The following SLCO2A1 variants were observed in gnomAD, a reference collection of about 807,000 sequenced individuals.
SLCO2A1 encodes matrin F/G 1.
In SLCO2A1, 60 loss-of-function variants were observed where a neutral mutation model predicts 71.7. That is an observed-to-expected ratio of 0.84 (90% CI 0.68 to 1.04). The LOEUF is 1.04. Ranked by LOEUF, SLCO2A1 falls within the 50% of genes least tolerant of loss-of-function variation. The probability of loss-of-function intolerance (pLI) is 0.00; values close to 1 mark genes in which losing one functional copy is unlikely to be tolerated. For missense variants in SLCO2A1, 745 were observed against 813.4 expected (o/e 0.92, Z 1.02); for synonymous variants, 308 against 326.7 (o/e 0.94, Z 0.62).
At chr3:133,979,459 T>C (rs745888779) in intron 2 of SLCO2A1, 22 bp downstream of exon 2, 4 of 1,614,024 alleles carry the variant, frequency 2.5e-6, no homozygotes, top group Non-Finnish European at 8.5e-7. Flanking sequence ...TGGAGTCTGA[T>C]GGACCAGAAC....
intron 3 of SLCO2A1, among the ~76,000 whole-genome samples, chr3:133,964,874 C>T (rs895749881): frequency 2.3e-4 from 35 of 152,290 alleles, no homozygotes; most frequent in Admixed American, 2.0e-3. Context: ...CTTCCGCTGC[C>T]CACACCCCCA....
At chr3:133,960,604 T>C (rs1934012896) in intron 3 of SLCO2A1, among the ~76,000 whole-genome samples, 1 of 152,158 alleles carries the variant, frequency 6.6e-6, no homozygotes, top group Admixed American at 6.5e-5. Flanking sequence ...TTTGAGAAGA[T>C]GAAAAAGTTC....
Position 133,945,261 on chromosome 3 carries a change from C to A in SLCO2A1, c.1296-1G>T. On this transcript the variant is annotated splice_acceptor_variant, in intron 9 of 13. Transcript: ENST00000310926. LOFTEE classifies it high-confidence loss of function. ...CTGCGGATGTATAGAACTTGATGTG[C>A]TGCCAGCAAAAGAGGAAACGGGGAA... 6.3e-7 allele frequency: 1 copy of A among 1,599,664 alleles called. No individual in the cohort carries two copies. Among genetic ancestry groups the A allele is most frequent in the Non-Finnish European group, 8.5e-7 (1 of 1,175,190 alleles).
chr3:133,941,544 G>A (rs1933419496), intron 11 of SLCO2A1, among the ~76,000 whole-genome samples: 1 of 152,006 alleles, frequency 6.6e-6, no homozygotes, highest in Non-Finnish European at 1.5e-5. Context: ...GAGGACAGGA[G>A]GGAGGGCAGT....
At chr3:133,959,625 G>C (rs2108048154) in intron 3 of SLCO2A1, among the ~76,000 whole-genome samples, 1 of 152,212 alleles carries the variant, frequency 6.6e-6, no homozygotes, top group South Asian at 2.1e-4. Context: ...AGGAGTTCGA[G>C]ACCAGCCTGG....
intron 1 of SLCO2A1, among the ~76,000 whole-genome samples, chr3:133,985,145 A>G (rs1934684392): frequency 1.3e-5 from 2 of 152,336 alleles, no homozygotes; most frequent in African/African-American, 4.8e-5. Context: ...ATTTCCCACA[A>G]TGTGTTACCA....
Position 133,954,930 on chromosome 3 carries a change from C to T in SLCO2A1, c.625+36G>A, listed in dbSNP as rs1197495448. 5.1e-6 allele frequency: 8 copies of T among 1,563,512 alleles called. No individual in the cohort carries two copies. In the Admixed American group the frequency reaches 1.3e-4, roughly 26 times the overall value. On this transcript the variant is annotated intron_variant, in intron 4 of 13. Coordinates refer to ENST00000310926, the MANE Select transcript of SLCO2A1 (RefSeq NM_005630.3). ...CATCAAGTGCTACATCAGGACCTCA[C>T]CCCTCCCCAAAGCCCTCTTCAAGCC...
chr3:133,935,253 T>C (rs1933239432), intron 13 of SLCO2A1, among the ~76,000 whole-genome samples: 1 of 152,168 alleles, frequency 6.6e-6, no homozygotes. Context: ...CCCACCTTCC[T>C]GTGGTTTCTG....
chr3:133,962,640 G>T (rs1934066480), intron 3 of SLCO2A1, among the ~76,000 whole-genome samples: 1 of 152,180 alleles, frequency 6.6e-6, no homozygotes, highest in African/African-American at 2.4e-5. Context: ...TGGAGCAAAA[G>T]CTCCAGCCTT....
rs991439077 is a variant in SLCO2A1 at position 133,945,768 on chromosome 3, A to C, written c.1296-508T>G. 1.4e-4 allele frequency among the ~76,000 whole-genome samples: 22 copies of C among 152,070 alleles called. 1 individual carries two copies. The highest frequency in any genetic ancestry group is 2.7e-4 in the African/African-American group (11 of 41,478). On this transcript the variant is annotated intron_variant, in intron 9 of 13. Transcript: ENST00000310926. ...TTCACTGGTTGATCTCACTGTTCCC[A>C]CTGTTCCCCGGTATCTGATATTCAT...
chr3:134,004,150 C>T (rs1935157924), intron 1 of SLCO2A1, among the ~76,000 whole-genome samples: 1 of 151,500 alleles, frequency 6.6e-6, no homozygotes, highest in Non-Finnish European at 1.5e-5. Context: ...TCTACTGTCT[C>T]TGGTTTGGTT....
intron 1 of SLCO2A1, among the ~76,000 whole-genome samples, chr3:133,993,684 A>G (rs1262184581): frequency 4.6e-5 from 7 of 152,156 alleles, no homozygotes; most frequent in South Asian, 2.1e-4. Context: ...ATCAAGTGCC[A>G]TCTTGTCTTT....
intron 1 of SLCO2A1, among the ~76,000 whole-genome samples, chr3:134,018,917 G>A (rs941545921): frequency 6.6e-6 from 1 of 152,142 alleles, no homozygotes; most frequent in Admixed American, 6.5e-5. Flanking sequence ...ACTACTGCAG[G>A]AGCAGGCACA....
rs559338637 is a variant in SLCO2A1 at position 133,972,809 on chromosome 3, G to A, written c.397+854C>T. On this transcript the variant is annotated intron_variant, in intron 3 of 13. Transcript: ENST00000310926. ...GCAAGGGTAAAATAGAGGCATTTTCGGACAAAGACTTAGAGATTTTCTTAC... is the reference window on the plus strand; with the variant it reads ...GCAAGGGTAAAATAGAGGCATTTTCAGACAAAGACTTAGAGATTTTCTTAC... Among the ~76,000 whole-genome samples the A allele has an allele frequency of 4.6e-5, 7 of 152,046 alleles. No homozygotes were observed. The East Asian group carries it at 7.7e-4, about 17-fold the overall frequency.
chr3:133,969,952 T>C (rs1050614573), intron 3 of SLCO2A1, among the ~76,000 whole-genome samples: 2 of 152,008 alleles, frequency 1.3e-5, no homozygotes, highest in African/African-American at 4.8e-5. Context: ...AGGACTCACA[T>C]GTGAGGATGC....
chr3:133,948,469 G>A, intron 8 of SLCO2A1, 67 bp downstream of exon 8: 1 of 1,541,274 alleles, frequency 6.5e-7, no homozygotes. Context: ...CCCTGGATGG[G>A]TGGCTGGAGT....
chr3:133,951,998 C>A (rs556152415), intron 5 of SLCO2A1, among the ~76,000 whole-genome samples: 1 of 152,356 alleles, frequency 6.6e-6, no homozygotes, highest in Admixed American at 6.5e-5. Flanking sequence ...TGGCAATTCT[C>A]TTGCACACGT....
chr3:133,970,058 C>T (rs1010385241), intron 3 of SLCO2A1, among the ~76,000 whole-genome samples: 1 of 152,212 alleles, frequency 6.6e-6, no homozygotes, highest in African/African-American at 2.4e-5. Flanking sequence ...TGTCCCCAGG[C>T]CATCCAGCCC....
intron 3 of SLCO2A1, among the ~76,000 whole-genome samples, chr3:133,961,987 CCAGA>C (rs1428852682): frequency 6.6e-6 from 1 of 152,204 alleles, no homozygotes; most frequent in Non-Finnish European, 1.5e-5. Context: ...TGTGGGCTTC[CCAGA>C]CAATCAAGCC....
Sources: allele counts gnomAD v4.1 joint callset (sites outside exome capture counted in the v4.1 genomes callset), GRCh38; gene constraint gnomAD v4.1.1; transcripts MANE v1.5; gene names NCBI Gene and HGNC (gene_info 2026-07-23, HGNC 2026-07-21).